The following HS3ST1 variants were observed in gnomAD, a reference collection of about 807,000 sequenced individuals.
HS3ST1 encodes heparan sulfate-glucosamine 3-sulfotransferase 1, also known as heparan sulfate glucosamine 3-O-sulfotransferase 1.
In HS3ST1, 8 loss-of-function variants were observed where a neutral mutation model predicts 20.7. That is an observed-to-expected ratio of 0.39 (90% CI 0.23 to 0.70). The LOEUF is 0.70. Ranked by LOEUF, HS3ST1 falls within the 30% of genes least tolerant of loss-of-function variation. The pLI is 0.46. For missense variants in HS3ST1, 436 were observed against 423.4 expected (o/e 1.03, Z -0.26); for synonymous variants, 205 against 190.4 (o/e 1.08, Z -0.63).
upstream of HS3ST1, among the ~76,000 whole-genome samples, chr4:11,431,430 G>A (rs1234569026): frequency 6.6e-6 from 1 of 152,144 alleles, no homozygotes; most frequent in East Asian, 1.9e-4. Context: ...ACTGAAAAAT[G>A]AGAGGGTTTT....
In HS3ST1 at chr4:11,396,085, C is replaced by T. The variant is rs1718137741; in HGVS notation, c.*2997G>A. On this transcript the variant is annotated 3_prime_UTR_variant, in exon 2 of 2. Coordinates refer to ENST00000002596, the MANE Select transcript of HS3ST1 (RefSeq NM_005114.4). The stretch of plus-strand genomic sequence containing the variant: ...AATGAATAATGGTGACCTGTGACAC[C>T]ACCCCTGTAAGCAGCAGGCACGCTA... 6.6e-6 allele frequency: 1 copy of T among 152,148 alleles called. No homozygotes were observed. Among genetic ancestry groups the T allele is most frequent in the Non-Finnish European group, 1.5e-5 (1 of 68,054 alleles). 9.4% of individuals were successfully genotyped at this position (152,148 alleles called of 1,614,324 possible).
intron 1 of HS3ST1, chr4:11,428,418 A>G (rs181134276): frequency 1.3e-5 from 2 of 152,416 alleles, no homozygotes; most frequent in African/African-American, 2.4e-5. Flanking sequence ...GGGGGGGAAA[A>G]CATCCAACCC....
At chr4:11,405,131 A>G (rs1430748486) in intron 1 of HS3ST1, among the ~76,000 whole-genome samples, 2 of 152,256 alleles carry the variant, frequency 1.3e-5, no homozygotes, top group Non-Finnish European at 2.9e-5. Context: ...GATGAAGGAC[A>G]GAATTTCTGT....
intron 1 of HS3ST1, among the ~76,000 whole-genome samples, chr4:11,409,547 C>T (rs224457): frequency 0.91 from 138,845 of 152,304 alleles, 63,323 homozygotes; most frequent in East Asian, 0.94. Context: ...ACAGGCAAAA[C>T]GTGGCCCTCT....
chr4:11,431,041 T>C (rs2108894898), upstream of HS3ST1, among the ~76,000 whole-genome samples: 1 of 152,296 alleles, frequency 6.6e-6, no homozygotes, highest in African/African-American at 2.4e-5. Flanking sequence ...CAGAAGCTCA[T>C]GTAGTGCCAG....
In HS3ST1 at chr4:11,394,062, G is replaced by T. The variant is rs1480629168; in HGVS notation, c.*5020C>A. On this transcript the variant is annotated 3_prime_UTR_variant, in exon 2 of 2. Coordinates refer to ENST00000002596, the MANE Select transcript of HS3ST1 (RefSeq NM_005114.4). ...GCCGACTGGTTCAAAACCAGTTTTG[G>T]TCTGTCTCCTAAAGTCCCAAATGTT... 1 of 152,198 alleles carries T rather than the reference G, an allele frequency of 6.6e-6. No homozygotes were observed. Among genetic ancestry groups the T allele is most frequent in the Non-Finnish European group, 1.5e-5 (1 of 68,048 alleles). 9.4% of individuals were successfully genotyped at this position (152,198 alleles called of 1,614,324 possible). A position where few individuals can be genotyped will look rare whatever the true frequency, so the allele number is the denominator to read the frequency against.
chr4:11,399,690 G>T lies in HS3ST1; in HGVS notation c.316C>A (p.Gln106Lys). Reference sequence around the variant, plus strand: ...TGGTGTGGCCAGGAGAAGGGCATCTGGCTGAGGTACCAGCCCAAGCCGTGG... The same window carrying T: ...TGGTGTGGCCAGGAGAAGGGCATCTTGCTGAGGTACCAGCCCAAGCCGTGG... ...YSHGLGWYLS[Q>K]MPFSWPHQLT... Residue 106 changes from glutamine (Q) to lysine (K), a missense_variant, in exon 2 of 2, where the codon CAG becomes AAG. Physicochemically the swap from Gln to Lys is moderately conservative, Grantham distance 53. Transcript: ENST00000002596. This position sits in a 1 kb window ranked among gnomAD's most constrained non-coding sequence, Gnocchi z 5.1. The T allele has an allele frequency of 1.2e-6, 2 of 1,613,822 alleles. No homozygotes were observed. The highest frequency in any genetic ancestry group is 1.7e-6 in the Non-Finnish European group (2 of 1,179,986).
chr4:11,424,883 A>G (rs901666796), intron 1 of HS3ST1, among the ~76,000 whole-genome samples: 1 of 151,216 alleles, frequency 6.6e-6, no homozygotes, highest in Admixed American at 6.6e-5. Flanking sequence ...AAATCCTTCT[A>G]TGAAGGGAAG....
At chr4:11,406,793 G>T (rs556142652) in intron 1 of HS3ST1, among the ~76,000 whole-genome samples, 1 of 152,070 alleles carries the variant, frequency 6.6e-6, no homozygotes, top group East Asian at 1.9e-4. Flanking sequence ...CCATGGTGTT[G>T]AGTGATTTAA....
chr4:11,420,548 G>C (rs566158191), intron 1 of HS3ST1, among the ~76,000 whole-genome samples: 1 of 152,298 alleles, frequency 6.6e-6, no homozygotes, highest in South Asian at 2.1e-4. Flanking sequence ...AACGAGCTTG[G>C]AGCAATGTTA....
rs1718049456 is a variant in HS3ST1 at position 11,393,250 on chromosome 4, T to C, written c.*5832A>G. On this transcript the variant is annotated 3_prime_UTR_variant, in exon 2 of 2. Coordinates refer to ENST00000002596, the MANE Select transcript of HS3ST1 (RefSeq NM_005114.4). Reference sequence around the variant, plus strand: ...ATTTGTTGGGCCCAGAATTGTTTTATGAAGTTGAAATTTAAGTTTGATATT... The same window carrying C: ...ATTTGTTGGGCCCAGAATTGTTTTACGAAGTTGAAATTTAAGTTTGATATT... 6.6e-6 allele frequency: 1 copy of C among 152,252 alleles called. No individual in the cohort carries two copies. The highest frequency in any genetic ancestry group is 1.5e-5 in the Non-Finnish European group (1 of 68,042). The allele number at this position is 152,252 out of a possible 1,614,324, so 9.4% of individuals were successfully genotyped here.
At chr4:11,415,130 A>T (rs2108886922) in intron 1 of HS3ST1, among the ~76,000 whole-genome samples, 1 of 152,346 alleles carries the variant, frequency 6.6e-6, no homozygotes. Flanking sequence ...ACCTGAGGAA[A>T]GTTCAGGGGT....
At position 11,394,049 on chromosome 4, in the gene HS3ST1, A is replaced by G. The variant is rs1718073971; in HGVS notation, c.*5033T>C. On this transcript the variant is annotated 3_prime_UTR_variant, in exon 2 of 2. Coordinates refer to ENST00000002596, the MANE Select transcript of HS3ST1 (RefSeq NM_005114.4). ...GCAGCGCATTTCTGCCGACTGGTTC[A>G]AAACCAGTTTTGGTCTGTCTCCTAA... 6.6e-6 allele frequency: 1 copy of G among 152,264 alleles called. No individual in the cohort carries two copies. The highest frequency in any genetic ancestry group is 6.5e-5 in the Admixed American group (1 of 15,282). 9.4% of individuals were successfully genotyped at this position (152,264 alleles called of 1,614,324 possible).
rs1176212547 is a variant in HS3ST1 at position 11,407,339 on chromosome 4, G to A, written c.-108-7226C>T. Among the ~76,000 whole-genome samples, 23 of 152,090 alleles carry A rather than the reference G, an allele frequency of 1.5e-4. 1 individual carries two copies. Among genetic ancestry groups the A allele is most frequent in the Admixed American group, 1.4e-3 (22 of 15,264 alleles). On this transcript the variant is annotated intron_variant, in intron 1 of 1. Transcript: ENST00000002596. ...TCCTTGAAAAAGAGGAGGACTATTC[G>A]AATATCTCCTCCTCTAGCCTTCTGT...
intron 1 of HS3ST1, among the ~76,000 whole-genome samples, chr4:11,427,755 T>C (rs1391277154): frequency 1.3e-5 from 2 of 152,192 alleles, no homozygotes; most frequent in African/African-American, 2.4e-5. Context: ...TGCAGAGTTA[T>C]AGACCTATAA....
chr4:11,403,472 C>T (rs147524658), intron 1 of HS3ST1, among the ~76,000 whole-genome samples: 7 of 152,314 alleles, frequency 4.6e-5, no homozygotes, highest in African/African-American at 1.7e-4. Flanking sequence ...CACTTAGTCC[C>T]TGCCTTTCAC....
rs1158042457 is a variant in HS3ST1, at chr4:11,395,180, T to A, written c.*3902A>T. 1 of 152,162 alleles carries A rather than the reference T, an allele frequency of 6.6e-6. No homozygotes were observed. 9.4% of individuals were successfully genotyped at this position (152,162 alleles called of 1,614,324 possible). On this transcript the variant is annotated 3_prime_UTR_variant, in exon 2 of 2. Transcript: ENST00000002596. Reference sequence around the variant, plus strand: ...TACTGCCATTCGTGCGTGCCCCAGCTTTATGGCAATTCCTCCATGAAGCCT... The same window carrying A: ...TACTGCCATTCGTGCGTGCCCCAGCATTATGGCAATTCCTCCATGAAGCCT...
At chr4:11,415,367 A>G (rs989137938) in intron 1 of HS3ST1, among the ~76,000 whole-genome samples, 1 of 152,222 alleles carries the variant, frequency 6.6e-6, no homozygotes, top group Non-Finnish European at 1.5e-5. Flanking sequence ...TTGTTTTCTT[A>G]GGTGGAATTA....
At position 11,398,942 on chromosome 4, in the gene HS3ST1, G is replaced by A. The variant is rs1480691560; in HGVS notation, c.*140C>T. 6 of 706,990 alleles carry A rather than the reference G, an allele frequency of 8.5e-6. No individual in the cohort carries two copies. The highest frequency in any genetic ancestry group is 3.6e-5 in the African/African-American group (2 of 55,522). 43.8% of individuals were successfully genotyped at this position (706,990 alleles called of 1,614,324 possible). A position where few individuals can be genotyped will look rare whatever the true frequency, so the allele number is the denominator to read the frequency against. On this transcript the variant is annotated 3_prime_UTR_variant, in exon 2 of 2. Transcript: ENST00000002596. Reference sequence around the variant, plus strand: ...AATATAACTAGTATATATGGCAATTGTGAATCTAATACTGTACAGAAGTAC... The same window carrying A: ...AATATAACTAGTATATATGGCAATTATGAATCTAATACTGTACAGAAGTAC...
Sources: allele counts gnomAD v4.1 joint callset (sites outside exome capture counted in the v4.1 genomes callset), GRCh38; gene constraint gnomAD v4.1.1; non-coding constraint Gnocchi (gnomAD v3.1); transcripts MANE v1.5; gene names NCBI Gene and HGNC (gene_info 2026-07-23, HGNC 2026-07-21).